MYO18B: variants seen among roughly 807,000 people sequenced by gnomAD.
MYO18B encodes the protein unconventional myosin-XVIIIb.
MYO18B carries 204 observed loss-of-function variants against 273.0 expected under a neutral mutation model. The observed-to-expected ratio is 0.75, with a 90% CI of 0.67 to 0.84. MYO18B has a LOEUF of 0.84. MYO18B is among the 40% of genes least tolerant of loss of function. The pLI, the probability that MYO18B is intolerant of heterozygous loss-of-function variation, is 0.00. For missense variants in MYO18B, 3,212 were observed against 3,287.6 expected (o/e 0.98, Z 0.56); for synonymous variants, 1,330 against 1,305.7 (o/e 1.02, Z -0.40).
At chr22:25,915,699 T>G (rs548540856) in intron 33 of MYO18B, among the ~76,000 whole-genome samples, 1 of 152,352 alleles carries the variant, frequency 6.6e-6, no homozygotes, top group African/African-American at 2.4e-5. Context: ...TCTCAATCTA[T>G]CAATGTAGTA....
At chr22:25,836,819 G>T (rs1240869483) in intron 17 of MYO18B, among the ~76,000 whole-genome samples, 1 of 152,022 alleles carries the variant, frequency 6.6e-6, no homozygotes, top group Non-Finnish European at 1.5e-5. Context: ...AAAATTAGCT[G>T]GGTGTGATGG....
chr22:25,777,812 T>C (rs779393840), intron 8 of MYO18B, 31 bp downstream of exon 8: 3 of 1,552,170 alleles, frequency 1.9e-6, no homozygotes, highest in South Asian at 2.5e-5. Flanking sequence ...CATGGAGAGT[T>C]GGGGTCAGCA....
intron 39 of MYO18B, among the ~76,000 whole-genome samples, chr22:25,991,749 T>C (rs954106625): frequency 8.5e-5 from 13 of 152,232 alleles, no homozygotes; most frequent in African/African-American, 2.6e-4. Flanking sequence ...CTGTGAGGCA[T>C]GAGTGAGATC....
intron 29 of MYO18B, among the ~76,000 whole-genome samples, chr22:25,901,806 GTTTTTTTT>G (rs34278088): frequency 2.2e-5 from 2 of 92,198 alleles, no homozygotes; most frequent in Admixed American, 1.3e-4. Context: ...TTTTGGGTTG[GTTTTTTTT>G]TTTTTTTTTT....
rs3070628 is a variant in MYO18B at position 25,997,932 on chromosome 22, A to AACACACACACACACAC, written c.6288-5323_6288-5308dup. On this transcript the variant is annotated intron_variant, in intron 40 of 43. Transcript: ENST00000335473. ...AAATTCAAAGCCAACCCAGGAGAGAAACACACACACACACACACACACACA... is the reference window on the plus strand; with the variant it reads ...AAATTCAAAGCCAACCCAGGAGAGAAACACACACACACACACACACACACACACACACACACACACA... Among the ~76,000 whole-genome samples, 223 of 144,746 alleles carry AACACACACACACACAC rather than the reference A, an allele frequency of 1.5e-3. 1 individual carries two copies. The highest frequency in any genetic ancestry group is 2.1e-3 in the Non-Finnish European group (138 of 66,526). 95.0% of individuals were successfully genotyped at this position (144,746 alleles called of 152,430 possible).
chr22:26,044,213 T>C, the MYO18B span, among the ~76,000 whole-genome samples: 1 of 152,248 alleles, frequency 6.6e-6, no homozygotes, highest in Non-Finnish European at 1.5e-5. Context: ...ATTCTTTATA[T>C]GATTTAGATG....
intron 33 of MYO18B, among the ~76,000 whole-genome samples, chr22:25,919,812 A>G (rs533023485): frequency 6.6e-6 from 1 of 152,348 alleles, no homozygotes; most frequent in African/African-American, 2.4e-5. Context: ...AACCAGCAGT[A>G]GAGAAATAGA....
intron 42 of MYO18B, among the ~76,000 whole-genome samples, chr22:26,020,908 G>A (rs1222960024): frequency 2.0e-5 from 3 of 152,112 alleles, no homozygotes; most frequent in East Asian, 1.9e-4. Flanking sequence ...GACCAACATG[G>A]TGAAACCCTA....
Position 25,780,200 on chromosome 22 carries a change from T to C in MYO18B, c.2211+2T>C. ...CGCATCACAGCTGCTCAGCTCCAGG[T>C]GAGGCCTCTCGGGGGATGTGCAAGG... is the stretch of plus-strand genomic sequence containing the variant. On this transcript the variant is annotated splice_donor_variant, in intron 9 of 43. Coordinates refer to ENST00000335473, the MANE Select transcript of MYO18B (RefSeq NM_032608.7). LOFTEE classifies it high-confidence loss of function. 6.2e-7 allele frequency: 1 copy of C among 1,602,122 alleles called. No homozygotes were observed. Among genetic ancestry groups the C allele is most frequent in the Non-Finnish European group, 8.5e-7 (1 of 1,176,028 alleles).
rs114389701 is a variant in MYO18B, at chr22:25,830,998, C to T, written c.2980-1919C>T. 5.6e-3 allele frequency among the ~76,000 whole-genome samples: 859 copies of T among 152,276 alleles called. 12 individuals are homozygous for T. Among genetic ancestry groups the T allele is most frequent in the African/African-American group, 0.02 (823 of 41,540 alleles). On this transcript the variant is annotated intron_variant, in intron 15 of 43. Coordinates refer to ENST00000335473, the MANE Select transcript of MYO18B (RefSeq NM_032608.7). Reference sequence around the variant, plus strand: ...CAATGTAATACATTTTTAATTAAAACGCTGGAAAGTTCATATGAGTATAAA... The same window carrying T: ...CAATGTAATACATTTTTAATTAAAATGCTGGAAAGTTCATATGAGTATAAA...
rs1361503265 is a variant in MYO18B, at chr22:25,770,125, T to C, written c.1528T>C (p.Trp510Arg). 2 of 1,613,946 alleles carry C rather than the reference T, an allele frequency of 1.2e-6. No homozygotes were observed. Among genetic ancestry groups the C allele is most frequent in the Non-Finnish European group, 1.7e-6 (2 of 1,179,878 alleles). Residue 510 changes from tryptophan to arginine, a missense_variant, in exon 5 of 44, where the codon TGG becomes CGG. Trp to Arg is a moderately radical substitution (Grantham distance 101). Transcript: ENST00000335473. ...RDSDQAPEDR[W>R]YEAEKVWLAQ... Reference sequence around the variant, plus strand: ...TGGTTCTCAGGCTCCTGAGGACAGATGGTATGAGGCAGAGAAAGTCTGGCT... The same window carrying C: ...TGGTTCTCAGGCTCCTGAGGACAGACGGTATGAGGCAGAGAAAGTCTGGCT...
the MYO18B span, among the ~76,000 whole-genome samples, chr22:26,037,034 A>G: frequency 2.0e-5 from 3 of 152,126 alleles, no homozygotes; most frequent in East Asian, 1.9e-4. Flanking sequence ...TACTAACACC[A>G]TGGGCTAAAC....
At chr22:25,948,212 C>A (rs906809878) in intron 36 of MYO18B, among the ~76,000 whole-genome samples, 4 of 152,114 alleles carry the variant, frequency 2.6e-5, no homozygotes, top group African/African-American at 9.7e-5. Context: ...CAATCATCCA[C>A]CCATCCACCC....
At chr22:26,036,966 G>C in the MYO18B span, among the ~76,000 whole-genome samples, 23 of 152,218 alleles carry the variant, frequency 1.5e-4, no homozygotes, top group African/African-American at 5.3e-4. Context: ...CAGAAGCACA[G>C]ACAAGTGGAG....
At chr22:25,946,526 G>A (rs2092714751) in intron 35 of MYO18B, among the ~76,000 whole-genome samples, 1 of 152,134 alleles carries the variant, frequency 6.6e-6, no homozygotes, top group African/African-American at 2.4e-5. Context: ...AGATATAAGG[G>A]CATCAGCGAG....
chr22:25,755,512 C>T (rs1185197090), intron 1 of MYO18B, among the ~76,000 whole-genome samples: 1 of 152,176 alleles, frequency 6.6e-6, no homozygotes, highest in African/African-American at 2.4e-5. Flanking sequence ...AGCCACTTTC[C>T]TGTGCCTTTG....
At position 25,955,720 on chromosome 22, in the gene MYO18B, C is replaced by T. The variant is rs146680541; in HGVS notation, c.6156+356C>T. ...AAACCGGTATTTATTAACGGCCTAT[C>T]TTTCACCAGGTCTCAATATCCATAA... On this transcript the variant is annotated intron_variant, in intron 39 of 43. Transcript: ENST00000335473. 5.4e-3 allele frequency among the ~76,000 whole-genome samples: 824 copies of T among 152,338 alleles called. 9 individuals are homozygous for T. The highest frequency in any genetic ancestry group is 0.021 in the South Asian group (103 of 4,816).
At chr22:25,952,171 A>T in intron 37 of MYO18B, 115 bp from the exon 38 acceptor site, 2 of 1,163,608 alleles carry the variant, frequency 1.7e-6, no homozygotes, top group Non-Finnish European at 2.4e-6. Flanking sequence ...ACACCTGAGT[A>T]GAGAAGGAGG....
At chr22:25,912,385 T>C (rs1240195829) in intron 33 of MYO18B, among the ~76,000 whole-genome samples, 2 of 152,292 alleles carry the variant, frequency 1.3e-5, no homozygotes, top group Non-Finnish European at 1.5e-5. Context: ...TGCGAGAAGG[T>C]TGCATTCTAT....
Sources: gnomAD v4.1 joint callset for allele counts (sites outside exome capture counted in the v4.1 genomes callset) on GRCh38, gnomAD v4.1.1 for gene constraint, MANE v1.5 for transcripts, NCBI Gene and HGNC (gene_info 2026-07-23, HGNC 2026-07-21) for gene names.